CNTN6: variants seen among roughly 807,000 people sequenced by gnomAD.
CNTN6 encodes contactin 6.
In CNTN6, 137 loss-of-function variants were observed where a neutral mutation model predicts 122.8. The ratio of observed to expected loss-of-function variants is 1.12; its 90% CI spans 0.97 to 1.29. The LOEUF (loss-of-function observed/expected upper bound fraction) is 1.29. Ranked by LOEUF, CNTN6 falls within the 50% of genes most tolerant of loss-of-function variation. The probability of loss-of-function intolerance (pLI) is 0.00; values close to 1 mark genes in which losing one functional copy is unlikely to be tolerated. For missense variants in CNTN6, 1,634 were observed against 1,223.4 expected, an observed-to-expected ratio of 1.34 and a Z score of -5.01; for synonymous variants, 570 against 426.0, an observed-to-expected ratio of 1.34 and a Z score of -4.16.
chr3:1,237,984 C>T (rs1476245646), intron 4 of CNTN6, among the ~76,000 whole-genome samples: 27 of 149,658 alleles, frequency 1.8e-4, no homozygotes, highest in Admixed American at 1.8e-3. Flanking sequence ...AACAATAACA[C>T]AATGTTTAAA....
At chr3:1,098,142 G>A (rs1323216193) in intron 1 of CNTN6, among the ~76,000 whole-genome samples, 1 of 151,944 alleles carries the variant, frequency 6.6e-6, no homozygotes, top group African/African-American at 2.4e-5. Flanking sequence ...GCTAGATGAC[G>A]AGTTAGTGGG....
intron 2 of CNTN6, among the ~76,000 whole-genome samples, chr3:1,205,017 C>G (rs58445416): frequency 0.15 from 22,582 of 151,952 alleles, 2,167 homozygotes; most frequent in East Asian, 0.29. Context: ...GCTGGGGAGG[C>G]CTTTGAAGTA....
At chr3:1,103,807 C>G (rs1403384300) in intron 1 of CNTN6, among the ~76,000 whole-genome samples, 1 of 152,074 alleles carries the variant, frequency 6.6e-6, no homozygotes. Context: ...AGTGAAGTTT[C>G]AAGATTCACA....
chr3:1,253,281 A>G (rs1335463553), intron 4 of CNTN6, among the ~76,000 whole-genome samples: 1 of 152,134 alleles, frequency 6.6e-6, no homozygotes, highest in African/African-American at 2.4e-5. Context: ...AAACGCATAC[A>G]TTTTTATTAT....
chr3:1,391,630 T>C (rs1454666377), intron 20 of CNTN6, among the ~76,000 whole-genome samples: 1 of 151,430 alleles, frequency 6.6e-6, no homozygotes, highest in Non-Finnish European at 1.5e-5. Flanking sequence ...TGTTTGCAGA[T>C]GAGATGATTG....
At chr3:1,233,097 C>T (rs1203551908) in intron 4 of CNTN6, among the ~76,000 whole-genome samples, 2 of 152,124 alleles carry the variant, frequency 1.3e-5, no homozygotes, top group Non-Finnish European at 2.9e-5. Context: ...CGGGCCTAAT[C>T]TGCAAACAAT....
chr3:1,159,493 G>A (rs534681057), intron 2 of CNTN6, among the ~76,000 whole-genome samples: 8 of 152,120 alleles, frequency 5.3e-5, no homozygotes, highest in South Asian at 2.1e-4. Context: ...TTGGACCTTG[G>A]TTGAGCATGG....
intron 12 of CNTN6, among the ~76,000 whole-genome samples, chr3:1,359,677 G>T (rs1707168227): frequency 2.0e-5 from 3 of 151,898 alleles, no homozygotes; most frequent in Non-Finnish European, 4.4e-5. Flanking sequence ...TGTCTAAGAG[G>T]ATATAAAACA....
At chr3:1,189,939 G>A (rs2093677863) in intron 2 of CNTN6, among the ~76,000 whole-genome samples, 3 of 152,168 alleles carry the variant, frequency 2.0e-5, no homozygotes, top group Admixed American at 2.0e-4. Context: ...TATGAATTTA[G>A]GTTCTCAGAC....
In CNTN6 at chr3:1,297,970, TG is replaced by T. The variant is rs1466601741; in HGVS notation, c.742del (p.Glu248AsnfsTer105). ...IQAAKDSSVK[L>X]ECFALGNPVP... The stretch of plus-strand genomic sequence containing the variant: ...GCTGCAAAGGATTCATCTGTAAAAC[TG>T]GAATGTTTTGCCCTTGGAAAGTAAG... On this transcript the variant is annotated frameshift_variant, in exon 7 of 23. Transcript: ENST00000446702. LOFTEE classifies it high-confidence loss of function. The T allele has an allele frequency of 6.2e-7, 1 of 1,609,856 alleles. No homozygotes were observed. Among genetic ancestry groups the T allele is most frequent in the Non-Finnish European group, 8.5e-7 (1 of 1,178,704 alleles).
At chr3:1,163,664 A>T (rs2093183393) in intron 2 of CNTN6, among the ~76,000 whole-genome samples, 1 of 152,082 alleles carries the variant, frequency 6.6e-6, no homozygotes, top group Non-Finnish European at 1.5e-5. Flanking sequence ...GTGTCTTCCC[A>T]CCTCAGCTTC....
At chr3:1,102,646 G>T (rs190404246) in intron 1 of CNTN6, among the ~76,000 whole-genome samples, 2,073 of 149,064 alleles carry the variant, frequency 0.014, 17 homozygotes, top group African/African-American at 0.017. Context: ...GAGAATGGCG[G>T]GAACCCGGGG....
intron 1 of CNTN6, among the ~76,000 whole-genome samples, chr3:1,101,583 G>T (rs1156687925): frequency 6.6e-6 from 1 of 152,072 alleles, no homozygotes; most frequent in Non-Finnish European, 1.5e-5. Flanking sequence ...ATGGTTTCAT[G>T]GAGTTATTTT....
At chr3:1,389,444 G>A (rs914780665) in intron 20 of CNTN6, among the ~76,000 whole-genome samples, 1 of 152,022 alleles carries the variant, frequency 6.6e-6, no homozygotes, top group Non-Finnish European at 1.5e-5. Context: ...ACCGGTACCA[G>A]CCGCTGCAAA....
chr3:1,221,059 G>A lies in CNTN6; in HGVS notation c.182+246G>A, dbSNP rs79875618. ...CCCTACCCACCAGCTCCAGGTAACC[G>A]TACTTATGTCTCTGTCTTATTGATT... On this transcript the variant is annotated intron_variant, in intron 3 of 22. Transcript: ENST00000446702. Among the ~76,000 whole-genome samples, 58 of 152,076 alleles carry A rather than the reference G, an allele frequency of 3.8e-4. 1 individual carries two copies. In the East Asian group the frequency reaches 7.7e-3, roughly 20 times the overall value.
At chr3:1,389,242 G>C (rs1318960686) in intron 20 of CNTN6, among the ~76,000 whole-genome samples, 1 of 152,026 alleles carries the variant, frequency 6.6e-6, no homozygotes, top group African/African-American at 2.4e-5. Context: ...AGCCAGAAGA[G>C]AGTGGGGGCC....
At chr3:1,275,053 A>T (rs1309475523) in intron 4 of CNTN6, among the ~76,000 whole-genome samples, 1 of 152,148 alleles carries the variant, frequency 6.6e-6, no homozygotes, top group East Asian at 1.9e-4. Context: ...CATCTTTTAC[A>T]AGCACATATA....
chr3:1,389,373 G>A (rs202065778), intron 20 of CNTN6, among the ~76,000 whole-genome samples: 9 of 152,112 alleles, frequency 5.9e-5, no homozygotes, highest in Middle Eastern at 6.8e-3. Context: ...GAGAGATTTT[G>A]TCACCACCAG....
chr3:1,099,804 T>C (rs190834442), intron 1 of CNTN6, among the ~76,000 whole-genome samples: 1 of 152,216 alleles, frequency 6.6e-6, no homozygotes, highest in African/African-American at 2.4e-5. Context: ...AAGTGTTTTT[T>C]AGTAAACAGT....
Sources: allele counts gnomAD v4.1 joint callset (sites outside exome capture counted in the v4.1 genomes callset), GRCh38; gene constraint gnomAD v4.1.1; transcripts MANE v1.5; gene names NCBI Gene and HGNC (gene_info 2026-07-23, HGNC 2026-07-21).